The following GSE1 variants were observed in gnomAD, a reference collection of about 807,000 sequenced individuals.
The protein encoded by GSE1 is Gse1 coiled-coil protein.
GSE1 carries 32 observed loss-of-function variants against 112.6 expected under a neutral mutation model. That is an observed-to-expected ratio of 0.28 (90% CI 0.21 to 0.38). The LOEUF (loss-of-function observed/expected upper bound fraction) is 0.38, where lower values mean the gene tolerates loss of function less well. Ranked by LOEUF, GSE1 falls within the 10% of genes least tolerant of loss-of-function variation. The probability of loss-of-function intolerance (pLI) is 1.00; values close to 1 mark genes in which losing one functional copy is unlikely to be tolerated. For missense variants in GSE1, 2,348 were observed against 1,699.2 expected (o/e 1.38, Z -6.71); for synonymous variants, 1,115 against 735.6 (o/e 1.52, Z -8.35).
chr16:85,640,620 G>A (rs1199844268), intron 2 of GSE1, among the ~76,000 whole-genome samples: 2 of 152,234 alleles, frequency 1.3e-5, no homozygotes, highest in African/African-American at 4.8e-5. Context: ...ACGGAGCAGG[G>A]ACCACAGACC....
At chr16:85,536,505 G>A (rs548282290) in intron 2 of GSE1, among the ~76,000 whole-genome samples, 10 of 152,334 alleles carry the variant, frequency 6.6e-5, no homozygotes, top group East Asian at 3.9e-4. Context: ...GGCAGGGCTC[G>A]TCTAGCACAT....
chr16:85,181,832 G>A (rs930782797), intron 1 of GSE1, among the ~76,000 whole-genome samples: 15 of 152,228 alleles, frequency 9.9e-5, no homozygotes, highest in Non-Finnish European at 1.6e-4. Flanking sequence ...TGGCAGCTGA[G>A]GGTAGGTTGA....
intron 2 of GSE1, among the ~76,000 whole-genome samples, chr16:85,420,113 G>GT (rs397708357): frequency 6.6e-6 from 1 of 151,484 alleles, no homozygotes; most frequent in Non-Finnish European, 1.5e-5. Flanking sequence ...GGCCAGACGG[G>GT]TGGTGGCTCA....
chr16:85,563,457 C>T (rs1172040077), intron 1 of GSE1, among the ~76,000 whole-genome samples: 1 of 152,210 alleles, frequency 6.6e-6, no homozygotes, highest in Non-Finnish European at 1.5e-5. Flanking sequence ...TTACCCTCAG[C>T]CCCAATTACA....
rs2046982610 is a variant in GSE1, at chr16:85,357,845, TTCA to T, written c.2464+206_2464+208del. Among the ~76,000 whole-genome samples, 7 of 152,288 alleles carry T rather than the reference TTCA, an allele frequency of 4.6e-5. No homozygotes were observed. The South Asian group carries it at 1.4e-3, about 32-fold the overall frequency. On this transcript the variant is annotated intron_variant, in intron 2 of 2. Transcript: ENST00000637419. ...CTCCTTAGGGTTCCAAAACCGTAGT[TTCA>T]TCAACATCCCTGGTTCTCGATACTC...
At chr16:85,337,355 G>C (rs1465561305) in intron 1 of GSE1, among the ~76,000 whole-genome samples, 3 of 149,944 alleles carry the variant, frequency 2.0e-5, no homozygotes, top group Non-Finnish European at 4.4e-5. Flanking sequence ...GCCCAGGCTG[G>C]AGTGCAGTGG....
chr16:85,209,236 G>A (rs1196192496), intron 1 of GSE1, among the ~76,000 whole-genome samples: 1 of 152,164 alleles, frequency 6.6e-6, no homozygotes, highest in Non-Finnish European at 1.5e-5. Context: ...ACCCCACGAG[G>A]TAGGCACAAT....
At chr16:85,293,930 C>T (rs1485896259) in intron 1 of GSE1, among the ~76,000 whole-genome samples, 1 of 152,206 alleles carries the variant, frequency 6.6e-6, no homozygotes, top group Non-Finnish European at 1.5e-5. Flanking sequence ...CAAAGGAGGT[C>T]ATGTGCTGAG....
intron 2 of GSE1, among the ~76,000 whole-genome samples, chr16:85,381,181 G>T (rs1038054537): frequency 1.3e-5 from 2 of 152,178 alleles, no homozygotes; most frequent in African/African-American, 4.8e-5. Flanking sequence ...TATTCTGGAC[G>T]TTTCACAGAA....
At chr16:85,268,679 A>C (rs1053337566) in intron 1 of GSE1, among the ~76,000 whole-genome samples, 1 of 152,264 alleles carries the variant, frequency 6.6e-6, no homozygotes, top group East Asian at 1.9e-4. Context: ...GAGCCCCCCA[A>C]GGGCCTGGAC....
intron 1 of GSE1, among the ~76,000 whole-genome samples, chr16:85,227,537 T>A (rs570233610): frequency 6.6e-6 from 1 of 152,170 alleles, no homozygotes; most frequent in East Asian, 1.9e-4. Flanking sequence ...CCAGGAGGCA[T>A]GAGAGTGTGG....
At chr16:85,190,443 T>C (rs143714524) in intron 1 of GSE1, among the ~76,000 whole-genome samples, 24 of 152,386 alleles carry the variant, frequency 1.6e-4, no homozygotes, top group African/African-American at 5.8e-4. Flanking sequence ...ATTTGTGACC[T>C]TCTGTGCTTT....
intron 2 of GSE1, among the ~76,000 whole-genome samples, chr16:85,508,447 G>A (rs897363020): frequency 1.3e-5 from 2 of 152,178 alleles, no homozygotes; most frequent in Non-Finnish European, 2.9e-5. Context: ...AGTTGGGACA[G>A]GATGGAGGAG....
intron 1 of GSE1, among the ~76,000 whole-genome samples, chr16:85,217,703 C>G (rs369942781): frequency 3.3e-5 from 5 of 152,244 alleles, no homozygotes. Flanking sequence ...GTATCTCATT[C>G]CCTGCCTCAA....
chr16:85,292,945 C>G (rs1320453399), intron 1 of GSE1, among the ~76,000 whole-genome samples: 3 of 152,126 alleles, frequency 2.0e-5, no homozygotes, highest in Non-Finnish European at 4.4e-5. Flanking sequence ...TTTTTATTGG[C>G]TTTATGGAGG....
chr16:85,263,144 G>A (rs928662195), intron 1 of GSE1, among the ~76,000 whole-genome samples: 1 of 152,252 alleles, frequency 6.6e-6, no homozygotes, highest in African/African-American at 2.4e-5. Flanking sequence ...CGCTTGGAGA[G>A]TGCGGGAGGG....
chr16:85,420,078 TGGCAGACACTGAGCAGTGTGCTCA>T, intron 2 of GSE1, among the ~76,000 whole-genome samples: 1 of 151,004 alleles, frequency 6.6e-6, no homozygotes, highest in South Asian at 2.1e-4. Flanking sequence ...ACGGGTGCCC[TGGCAGACACTGAGCAGTGTGCTCA>T]GGCCAGACGG....
chr16:85,304,247 A>T (rs1007749503), intron 1 of GSE1, among the ~76,000 whole-genome samples: 18 of 152,206 alleles, frequency 1.2e-4, no homozygotes, highest in African/African-American at 4.3e-4. Flanking sequence ...GAAGGGATCG[A>T]TCACTCGGCT....
rs16975807 is a variant in GSE1, at chr16:85,672,644, G to A, written c.*105G>A. On this transcript the variant is annotated 3_prime_UTR_variant, in exon 16 of 16. Coordinates refer to ENST00000253458, the MANE Select transcript of GSE1 (RefSeq NM_014615.5). The stretch of plus-strand genomic sequence containing the variant: ...CTGGGAGGTTTGAAGCTTACAAAAT[G>A]AGAATGTGCCATGCATGAAGCAAAG... 4,011 of 790,478 alleles carry A rather than the reference G, an allele frequency of 5.1e-3. 128 individuals are homozygous for A. The African/African-American group carries it at 0.061, about 12-fold the overall frequency. 49.0% of individuals were successfully genotyped at this position (790,478 alleles called of 1,614,324 possible). A position where few individuals can be genotyped will look rare whatever the true frequency, so the allele number is the denominator to read the frequency against.
Sources: gnomAD v4.1 joint callset for allele counts (sites outside exome capture counted in the v4.1 genomes callset) on GRCh38, gnomAD v4.1.1 for gene constraint, MANE v1.5 for transcripts, NCBI Gene and HGNC (gene_info 2026-07-23, HGNC 2026-07-21) for gene names.